TSPEAR: variants seen among roughly 807,000 people sequenced by gnomAD.
TSPEAR encodes the protein thrombospondin-type laminin G domain and EAR repeat-containing protein.
Under a neutral mutation model 71.6 loss-of-function variants are expected in TSPEAR, and 69 were observed. The ratio of observed to expected loss-of-function variants is 0.96; its 90% CI spans 0.79 to 1.18. TSPEAR has a LOEUF of 1.18. Ranked by LOEUF, TSPEAR falls within the 50% of genes most tolerant of loss-of-function variation. The pLI is 0.00. For synonymous variants in TSPEAR, 402 were observed against 387.2 expected (o/e 1.04, Z -0.45); for missense variants, 971 against 894.9 (o/e 1.09, Z -1.09).
chr21:44,574,601 C>G (rs1555923488), intron 1 of TSPEAR: 1 of 1,298,038 alleles, frequency 7.7e-7, no homozygotes, highest in Non-Finnish European at 1.0e-6. Flanking sequence ...CTGTGTGCTG[C>G]AAGCCTGTCT....
chr21:44,569,344 G>A (rs1238907331), intron 1 of TSPEAR, among the ~76,000 whole-genome samples: 7 of 152,246 alleles, frequency 4.6e-5, no homozygotes, highest in Non-Finnish European at 1.0e-4. Flanking sequence ...CACACAGGGT[G>A]TAACGGGCAC....
At chr21:44,558,597 G>A in intron 2 of TSPEAR, 1 of 1,611,796 alleles carries the variant, frequency 6.2e-7, no homozygotes, top group Non-Finnish European at 8.5e-7. Context: ...CAGGCAGGGG[G>A]CCGGGGCGCA....
At position 44,612,252 on chromosome 21, in the gene TSPEAR, G is replaced by A. The variant is rs1555931181; in HGVS notation, c.83-44247C>T. 1 of 1,613,572 alleles carries A rather than the reference G, an allele frequency of 6.2e-7. No individual in the cohort carries two copies. The highest frequency in any genetic ancestry group is 2.2e-5 in the East Asian group (1 of 44,876). ...GTGGACAATTGCCAGGAAAGCTGCT[G>A]CGAGCCCCGCTCCTGTGCCTCCAGC... On this transcript the variant is annotated intron_variant, in intron 1 of 11. Coordinates refer to ENST00000323084, the MANE Select transcript of TSPEAR (RefSeq NM_144991.3). The surrounding 1 kb of genome is among the most constrained non-coding windows in gnomAD (Gnocchi z 4.1).
chr21:44,539,213 G>T, intron 2 of TSPEAR: 1 of 1,539,614 alleles, frequency 6.5e-7, no homozygotes, highest in Non-Finnish European at 8.7e-7. Flanking sequence ...CTAGGTGGGG[G>T]AAGCCACCTA....
Position 44,511,371 on chromosome 21 carries a change from CAT to C in TSPEAR, c.1567-1987_1567-1986del, listed in dbSNP as rs10699420. The stretch of plus-strand genomic sequence containing the variant: ...TGCATATGCACTGTGTACACACACA[CAT>C]ATATGCTTACATTTTTACATGCACA... On this transcript the variant is annotated intron_variant, in intron 9 of 11. Coordinates refer to ENST00000323084, the MANE Select transcript of TSPEAR (RefSeq NM_144991.3). Among the ~76,000 whole-genome samples the C allele has an allele frequency of 9.0e-4, 126 of 139,898 alleles. 1 individual carries two copies. Among genetic ancestry groups the C allele is most frequent in the South Asian group, 6.9e-3 (33 of 4,814 alleles). 91.8% of individuals were successfully genotyped at this position (139,898 alleles called of 152,430 possible).
In TSPEAR at chr21:44,574,641, T is replaced by C; in HGVS notation, c.83-6636A>G. 4 of 1,283,162 alleles carry C rather than the reference T, an allele frequency of 3.1e-6. No individual in the cohort carries two copies. Among genetic ancestry groups the C allele is most frequent in the South Asian group, 3.4e-5 (2 of 58,244 alleles). The allele number at this position is 1,283,162 out of a possible 1,614,324, so 79.5% of individuals were successfully genotyped here. ...TGTGCCCATCTGCTCTGGGGCTTCC[T>C]CTCTGTGCTGCCAGCAGTCTAGCTG... On this transcript the variant is annotated intron_variant, in intron 1 of 11. Coordinates refer to ENST00000323084, the MANE Select transcript of TSPEAR (RefSeq NM_144991.3).
At chr21:44,509,167 C>G in intron 10 of TSPEAR, 32 bp downstream of exon 10, 2 of 1,601,792 alleles carry the variant, frequency 1.2e-6, no homozygotes, top group Non-Finnish European at 1.7e-6. Context: ...CAGAGATCAG[C>G]CCACCTCCCA....
intron 9 of TSPEAR, among the ~76,000 whole-genome samples, chr21:44,516,907 G>A (rs896757111): frequency 6.6e-6 from 1 of 152,122 alleles, no homozygotes; most frequent in Non-Finnish European, 1.5e-5. Context: ...CACCAGCTCT[G>A]CATGCGAGAA....
At chr21:44,508,835 C>A in intron 10 of TSPEAR, 1 of 1,385,360 alleles carries the variant, frequency 7.2e-7, no homozygotes, top group Non-Finnish European at 9.6e-7. Context: ...GCACTCGAAG[C>A]CTGCACCTCG....
intron 1 of TSPEAR, among the ~76,000 whole-genome samples, chr21:44,618,815 C>G (rs1251682532): frequency 6.6e-6 from 1 of 152,080 alleles, no homozygotes; most frequent in Non-Finnish European, 1.5e-5. Context: ...TGTGTTACAA[C>G]GTTTAAAGGT....
chr21:44,571,640 C>T (rs1235239683), intron 1 of TSPEAR, among the ~76,000 whole-genome samples: 2 of 152,034 alleles, frequency 1.3e-5, no homozygotes, highest in Non-Finnish European at 2.9e-5. Context: ...AACTTGGACC[C>T]AAAAGTAAGA....
At chr21:44,563,287 T>C (rs2053662577) in intron 2 of TSPEAR, among the ~76,000 whole-genome samples, 1 of 152,140 alleles carries the variant, frequency 6.6e-6, no homozygotes, top group African/African-American at 2.4e-5. Flanking sequence ...AGTATAACAA[T>C]ATATTGTTGG....
At chr21:44,661,018 G>A (rs879972442) in intron 1 of TSPEAR, among the ~76,000 whole-genome samples, 26 of 152,126 alleles carry the variant, frequency 1.7e-4, no homozygotes, top group Middle Eastern at 3.4e-3. Context: ...TAGGCCGGGC[G>A]CGGTGGCTCA....
intron 1 of TSPEAR, among the ~76,000 whole-genome samples, chr21:44,661,281 C>CAAAAAAAAA: frequency 1.3e-5 from 1 of 79,700 alleles, no homozygotes; most frequent in Non-Finnish European, 2.3e-5. Context: ...GACTCCGTCT[C>CAAAAAAAAA]AAAAAAAAAA....
At position 44,612,748 on chromosome 21, in the gene TSPEAR, G is replaced by GTGCCGGCCTGCC; in HGVS notation, c.83-44755_83-44744dup. On this transcript the variant is annotated intron_variant, in intron 1 of 11. Coordinates refer to ENST00000323084, the MANE Select transcript of TSPEAR (RefSeq NM_144991.3). This position sits in a 1 kb window ranked among gnomAD's most constrained non-coding sequence, Gnocchi z 4.1. Reference sequence around the variant, plus strand: ...CCGTGTCCCTCCTCTGCCGCCCTGTGTGCCGGCCTGCCTGCTGTGTGCCTG... The same window carrying GTGCCGGCCTGCC: ...CCGTGTCCCTCCTCTGCCGCCCTGTGTGCCGGCCTGCCTGCCGGCCTGCCTGCTGTGTGCCTG... The GTGCCGGCCTGCC allele has an allele frequency of 6.2e-7, 1 of 1,613,302 alleles. No homozygotes were observed. The highest frequency in any genetic ancestry group is 8.5e-7 in the Non-Finnish European group (1 of 1,179,760).
intron 1 of TSPEAR, among the ~76,000 whole-genome samples, chr21:44,681,399 G>A (rs1473265442): frequency 1.3e-5 from 2 of 152,218 alleles, no homozygotes; most frequent in Non-Finnish European, 2.9e-5. Context: ...TGGGCCCCAG[G>A]AGCCCTGGGA....
chr21:44,564,189 C>A (rs193273826), intron 2 of TSPEAR, among the ~76,000 whole-genome samples: 1 of 152,226 alleles, frequency 6.6e-6, no homozygotes, highest in Admixed American at 6.5e-5. Flanking sequence ...TGAATGACCA[C>A]AAAAGTGCCA....
intron 2 of TSPEAR, among the ~76,000 whole-genome samples, chr21:44,543,578 G>T (rs945627309): frequency 5.3e-5 from 8 of 152,086 alleles, no homozygotes; most frequent in Admixed American, 5.2e-4. Flanking sequence ...AAGTCATACG[G>T]GATCATAGTG....
intron 1 of TSPEAR, among the ~76,000 whole-genome samples, chr21:44,622,135 G>A (rs76799149): frequency 0.01 from 1,546 of 152,330 alleles, 25 homozygotes; most frequent in African/African-American, 0.036. Context: ...TCCACATCAT[G>A]AGTCATCAGG....
Sources: gnomAD v4.1 joint callset for allele counts (sites outside exome capture counted in the v4.1 genomes callset) on GRCh38, gnomAD v4.1.1 for gene constraint, Gnocchi (gnomAD v3.1) non-coding constraint, MANE v1.5 for transcripts, NCBI Gene and HGNC (gene_info 2026-07-23, HGNC 2026-07-21) for gene names.